The following ARSG variants were observed in gnomAD, a reference collection of about 807,000 sequenced individuals.
ARSG encodes the protein arylsulfatase G, also known as ASG.
A neutral mutation model predicts 50.5 loss-of-function variants in ARSG; 37 were observed. That is an observed-to-expected ratio of 0.73 (90% CI 0.56 to 0.96). ARSG has a LOEUF of 0.96. ARSG is among the 50% of genes least tolerant of loss of function. ARSG has a pLI of 0.00. For synonymous variants in ARSG, 225 were observed against 254.6 expected (o/e 0.88, Z 1.11); for missense variants, 629 against 675.3 (o/e 0.93, Z 0.76).
chr17:68,441,710 C>T, the ARSG span, among the ~76,000 whole-genome samples: 1 of 152,168 alleles, frequency 6.6e-6, no homozygotes, highest in Non-Finnish European at 1.5e-5. Flanking sequence ...CCTTTGCCCA[C>T]CCAGGCCACA....
At chr17:68,320,305 A>G (rs1429607343) in intron 2 of ARSG, among the ~76,000 whole-genome samples, 3 of 151,788 alleles carry the variant, frequency 2.0e-5, no homozygotes, top group Non-Finnish European at 4.4e-5. Context: ...AAAAAAAAAG[A>G]TAGTGCCGTG....
chr17:68,298,059 C>T (rs1325425704), intron 1 of ARSG, among the ~76,000 whole-genome samples: 2 of 149,188 alleles, frequency 1.3e-5, no homozygotes, highest in Non-Finnish European at 3.0e-5. Flanking sequence ...CAAAGAGATT[C>T]TGTAACATAT....
At chr17:68,338,730 A>C (rs1178142769) in intron 2 of ARSG, among the ~76,000 whole-genome samples, 1 of 152,176 alleles carries the variant, frequency 6.6e-6, no homozygotes, top group Non-Finnish European at 1.5e-5. Flanking sequence ...AGGGGCATTT[A>C]ATGCCATTAA....
At chr17:68,317,466 T>G (rs1599693819) in intron 2 of ARSG, among the ~76,000 whole-genome samples, 2 of 143,158 alleles carry the variant, frequency 1.4e-5, no homozygotes, top group East Asian at 4.0e-4. Flanking sequence ...AACTGTTTTG[T>G]TTTTTTTTTT....
Position 68,307,176 on chromosome 17 carries a change from A to G in ARSG, c.-318A>G. ...GAGCAGTTGTTGACATTGATGTCTAATTATTGAACACGACCAGTCATTTTA... is the reference window on the plus strand; with the variant it reads ...GAGCAGTTGTTGACATTGATGTCTAGTTATTGAACACGACCAGTCATTTTA... On this transcript the variant is annotated 5_prime_UTR_variant, in exon 2 of 12. Transcript: ENST00000621439. The G allele has an allele frequency of 3.3e-6, 1 of 301,820 alleles. No homozygotes were observed. The highest frequency in any genetic ancestry group is 4.8e-5 in the Admixed American group (1 of 21,006). The allele number at this position is 301,820 out of a possible 1,614,324, so 18.7% of individuals were successfully genotyped here.
chr17:68,448,717 C>A, the ARSG span, among the ~76,000 whole-genome samples: 250 of 152,150 alleles, frequency 1.6e-3, 3 homozygotes, highest in African/African-American at 5.8e-3. Context: ...TCATCAGGTG[C>A]CAAAAACAGA....
intron 11 of ARSG, among the ~76,000 whole-genome samples, chr17:68,415,653 A>G (rs1277443826): frequency 6.6e-6 from 1 of 152,006 alleles, no homozygotes; most frequent in Admixed American, 6.6e-5. Context: ...GTTGCCGTCT[A>G]TCTCATTTCT....
chr17:68,429,266 C>T, the ARSG span, among the ~76,000 whole-genome samples: 2 of 152,156 alleles, frequency 1.3e-5, no homozygotes. Flanking sequence ...TGCCCTTAAC[C>T]AAGACAGAAA....
At chr17:68,447,574 A>G in the ARSG span, among the ~76,000 whole-genome samples, 1 of 151,956 alleles carries the variant, frequency 6.6e-6, no homozygotes, top group African/African-American at 2.4e-5. Flanking sequence ...AAGACCTAGT[A>G]AAGACTAGGT....
intron 1 of ARSG, among the ~76,000 whole-genome samples, chr17:68,285,848 TC>T (rs1257626283): frequency 6.6e-6 from 1 of 151,468 alleles, no homozygotes; most frequent in Admixed American, 6.6e-5. Flanking sequence ...GCCACCTCCA[TC>T]CCCCAGGTTC....
At chr17:68,330,085 C>T (rs1470059900) in intron 2 of ARSG, among the ~76,000 whole-genome samples, 1 of 152,058 alleles carries the variant, frequency 6.6e-6, no homozygotes, top group Non-Finnish European at 1.5e-5. Flanking sequence ...TGGCATGTGC[C>T]TGTAATCCCA....
At chr17:68,389,079 G>A (rs1395379668) in intron 9 of ARSG, among the ~76,000 whole-genome samples, 1 of 152,238 alleles carries the variant, frequency 6.6e-6, no homozygotes, top group African/African-American at 2.4e-5. Flanking sequence ...GGTCTTGGAA[G>A]TAAAAGCTAC....
At chr17:68,429,079 C>T in the ARSG span, 1 of 627,562 alleles carries the variant, frequency 1.6e-6, no homozygotes, top group Non-Finnish European at 2.8e-6. Flanking sequence ...GTCTGGGCTT[C>T]TGGCTATTCC....
chr17:68,311,758 G>A (rs910849735), intron 2 of ARSG, among the ~76,000 whole-genome samples: 8 of 151,584 alleles, frequency 5.3e-5, no homozygotes, highest in East Asian at 1.9e-4. Context: ...GTACCAGCCC[G>A]GCCGACATCT....
At chr17:68,387,161 C>A (rs936079744) in intron 9 of ARSG, among the ~76,000 whole-genome samples, 3 of 151,946 alleles carry the variant, frequency 2.0e-5, no homozygotes, top group Non-Finnish European at 4.4e-5. Flanking sequence ...CAGGGCATCA[C>A]TCTGTTGCCC....
the ARSG span, among the ~76,000 whole-genome samples, chr17:68,446,811 TC>T: frequency 6.6e-6 from 1 of 152,156 alleles, no homozygotes; most frequent in Admixed American, 6.6e-5. Context: ...TGCATTTTTT[TC>T]CCAAGAGCTC....
At chr17:68,450,258 G>T in the ARSG span, among the ~76,000 whole-genome samples, 1 of 152,268 alleles carries the variant, frequency 6.6e-6, no homozygotes, top group Non-Finnish European at 1.5e-5. Context: ...TGAGGACGTG[G>T]TGGGAGAAGG....
chr17:68,300,547 G>A (rs1232019067), intron 1 of ARSG, among the ~76,000 whole-genome samples: 1 of 152,160 alleles, frequency 6.6e-6, no homozygotes, highest in Non-Finnish European at 1.5e-5. Context: ...TTCTTCTCAA[G>A]TGGAGGATAG....
rs56199177 is a variant in ARSG, at chr17:68,297,969, C to CTTT, written c.-552+6417_-552+6419dup. Reference sequence around the variant, plus strand: ...GGGGTTGAGAAAGTTTACTGTGACTCTTTTTTTTTTTTTTTTTTCCCCTGA... The same window carrying CTTT: ...GGGGTTGAGAAAGTTTACTGTGACTCTTTTTTTTTTTTTTTTTTTTTCCCCTGA... On this transcript the variant is annotated intron_variant, in intron 1 of 11. Transcript: ENST00000621439. 4.5e-4 allele frequency among the ~76,000 whole-genome samples: 59 copies of CTTT among 132,026 alleles called. 1 individual carries two copies. The highest frequency in any genetic ancestry group is 3.9e-3 in the Middle Eastern group (1 of 254). 86.6% of individuals were successfully genotyped at this position (132,026 alleles called of 152,430 possible). A position where few individuals can be genotyped will look rare whatever the true frequency, so the allele number is the denominator to read the frequency against.
Sources: gnomAD v4.1 joint callset for allele counts (sites outside exome capture counted in the v4.1 genomes callset) on GRCh38, gnomAD v4.1.1 for gene constraint, MANE v1.5 for transcripts, NCBI Gene and HGNC (gene_info 2026-07-23, HGNC 2026-07-21) for gene names.